The following PRKAG2 variants were observed in gnomAD, a reference collection of about 807,000 sequenced individuals.
PRKAG2 encodes 5'-AMP-activated protein kinase subunit gamma-2.
In PRKAG2, 26 loss-of-function variants were observed where a neutral mutation model predicts 69.6. That is an observed-to-expected ratio of 0.37 (90% CI 0.27 to 0.52). The LOEUF is 0.52. PRKAG2 is among the 20% of genes least tolerant of loss of function. The probability of loss-of-function intolerance (pLI) is 0.90; values close to 1 mark genes in which losing one functional copy is unlikely to be tolerated. For synonymous variants in PRKAG2, 293 were observed against 285.0 expected, an observed-to-expected ratio of 1.03 and a Z score of -0.28; for missense variants, 557 against 740.0, an observed-to-expected ratio of 0.75 and a Z score of 2.87.
chr7:151,783,588 T>C (rs28546351), intron 2 of PRKAG2, among the ~76,000 whole-genome samples: 3 of 151,952 alleles, frequency 2.0e-5, no homozygotes, highest in African/African-American at 7.3e-5. Context: ...CACCTAACTA[T>C]GGGAATCAGG....
intron 1 of PRKAG2, among the ~76,000 whole-genome samples, chr7:151,849,913 T>C (rs2079529801): frequency 6.6e-6 from 1 of 152,134 alleles, no homozygotes; most frequent in Non-Finnish European, 1.5e-5. Flanking sequence ...CTATATATTT[T>C]GGGGGACATA....
chr7:151,685,802 T>C (rs548929666), intron 3 of PRKAG2, among the ~76,000 whole-genome samples: 5 of 152,230 alleles, frequency 3.3e-5, no homozygotes, highest in Admixed American at 3.3e-4. Context: ...ATGGTGAATA[T>C]TGATTCATAT....
intron 3 of PRKAG2, among the ~76,000 whole-genome samples, chr7:151,705,441 C>T (rs569718714): frequency 6.6e-6 from 1 of 152,280 alleles, no homozygotes; most frequent in African/African-American, 2.4e-5. Flanking sequence ...CAGGATCACC[C>T]CGGTATGCCG....
At chr7:151,647,485 T>C (rs1163971180) in intron 4 of PRKAG2, among the ~76,000 whole-genome samples, 1 of 152,202 alleles carries the variant, frequency 6.6e-6, no homozygotes, top group Non-Finnish European at 1.5e-5. Flanking sequence ...TAAAAAGCTA[T>C]AGCGACTGCA....
intron 3 of PRKAG2, among the ~76,000 whole-genome samples, chr7:151,733,893 T>A (rs1436155550): frequency 6.6e-6 from 1 of 152,038 alleles, no homozygotes; most frequent in Admixed American, 6.6e-5. Flanking sequence ...AGGGGTCTCA[T>A]GATGTTGCCC....
intron 3 of PRKAG2, among the ~76,000 whole-genome samples, chr7:151,733,705 AT>A (rs11330944): frequency 0.12 from 16,757 of 142,596 alleles, 2,348 homozygotes; most frequent in African/African-American, 0.33. Flanking sequence ...CACAGTCACC[AT>A]TTTTTTTTTT....
chr7:151,779,331 C>G (rs540967596), intron 3 of PRKAG2, among the ~76,000 whole-genome samples: 37 of 152,322 alleles, frequency 2.4e-4, no homozygotes, highest in African/African-American at 8.7e-4. Flanking sequence ...TCTCCTGCAC[C>G]TCCTGGTGCC....
At chr7:151,852,014 C>T (rs1044051738) in intron 1 of PRKAG2, among the ~76,000 whole-genome samples, 3 of 152,136 alleles carry the variant, frequency 2.0e-5, no homozygotes, top group African/African-American at 7.2e-5. Flanking sequence ...TCGCCTGTCC[C>T]GTGCCTGCTC....
chr7:151,825,374 G>C (rs79539294), intron 1 of PRKAG2, among the ~76,000 whole-genome samples: 10,921 of 152,244 alleles, frequency 0.072, 671 homozygotes, highest in East Asian at 0.24. Context: ...CTCTGATTAT[G>C]AAGACTTTGA....
chr7:151,687,156 T>C (rs372879589), intron 3 of PRKAG2, among the ~76,000 whole-genome samples: 120 of 152,340 alleles, frequency 7.9e-4, no homozygotes, highest in African/African-American at 2.6e-3. Context: ...TAATTTTAAA[T>C]CTGTCCCAAC....
intron 1 of PRKAG2, among the ~76,000 whole-genome samples, chr7:151,870,113 A>ATAGATAGAT (rs1210006584): frequency 1.9e-5 from 2 of 107,190 alleles, no homozygotes; most frequent in African/African-American, 6.5e-5. Flanking sequence ...GGTGCAGATG[A>ATAGATAGAT]TAGATAGATA....
At chr7:151,654,245 T>C (rs1270627830) in intron 4 of PRKAG2, among the ~76,000 whole-genome samples, 1 of 152,180 alleles carries the variant, frequency 6.6e-6, no homozygotes, top group Non-Finnish European at 1.5e-5. Flanking sequence ...TGTCCCATGG[T>C]GAAGGATGAG....
intron 4 of PRKAG2, among the ~76,000 whole-genome samples, chr7:151,640,070 G>A (rs1826424537): frequency 6.6e-6 from 1 of 152,114 alleles, no homozygotes; most frequent in South Asian, 2.1e-4. Flanking sequence ...CAGCACTTTG[G>A]GAGGACGAGG....
At position 151,733,575 on chromosome 7, in the gene PRKAG2, TAA is replaced by T. The variant is rs1414260934; in HGVS notation, c.466+47575_466+47576del. Among the ~76,000 whole-genome samples, 3 of 152,220 alleles carry T rather than the reference TAA, an allele frequency of 2.0e-5. No individual in the cohort carries two copies. The East Asian group carries it at 5.8e-4, about 29-fold the overall frequency. ...GGTTCTGGTTTAATTCTACAGTAGATAAGTGTTTATTACTTTATTACTTAAAT... is the reference window on the plus strand; with the variant it reads ...GGTTCTGGTTTAATTCTACAGTAGATGTGTTTATTACTTTATTACTTAAAT... On this transcript the variant is annotated intron_variant, in intron 3 of 15. Coordinates refer to ENST00000287878, the MANE Select transcript of PRKAG2 (RefSeq NM_016203.4).
At chr7:151,817,413 C>T (rs2078671789) in intron 1 of PRKAG2, among the ~76,000 whole-genome samples, 1 of 152,192 alleles carries the variant, frequency 6.6e-6, no homozygotes, top group Non-Finnish European at 1.5e-5. Context: ...AAAACAGAAC[C>T]AGAAAACCTT....
At position 151,739,066 on chromosome 7, in the gene PRKAG2, C is replaced by A. The variant is rs140960197; in HGVS notation, c.466+42086G>T. Among the ~76,000 whole-genome samples, 411 of 152,362 alleles carry A rather than the reference C, an allele frequency of 2.7e-3. 1 individual carries two copies. Among genetic ancestry groups the A allele is most frequent in the African/African-American group, 9.3e-3 (388 of 41,588 alleles). On this transcript the variant is annotated intron_variant, in intron 3 of 15. Coordinates refer to ENST00000287878, the MANE Select transcript of PRKAG2 (RefSeq NM_016203.4). The stretch of plus-strand genomic sequence containing the variant: ...GCCAACCGGGTTCGGGTCTCCCCAG[C>A]TGAGCTGGTCTCGGTAGCCTCCATC...
chr7:151,650,877 A>C lies in PRKAG2; in HGVS notation c.685-18739T>G, dbSNP rs200641373. 1.1e-4 allele frequency among the ~76,000 whole-genome samples: 17 copies of C among 152,372 alleles called. 1 individual carries two copies. In the East Asian group the frequency reaches 3.3e-3, roughly 29 times the overall value. On this transcript the variant is annotated intron_variant, in intron 4 of 15. Coordinates refer to ENST00000287878, the MANE Select transcript of PRKAG2 (RefSeq NM_016203.4). The stretch of plus-strand genomic sequence containing the variant: ...CTGTGTGATGAAATGAGAGGTGCAC[A>C]TATAACTTTTCCGTTGCAAATTATG...
rs140474293 is a variant in PRKAG2 at position 151,579,235 on chromosome 7, T to A, written c.865-2783A>T. ...CAGGATCTTGCTATGTTGCCCAGAC[T>A]GGTCTCAAACTCCTGGGCTTAAGTG... On this transcript the variant is annotated intron_variant, in intron 6 of 15. Coordinates refer to ENST00000287878, the MANE Select transcript of PRKAG2 (RefSeq NM_016203.4). Among the ~76,000 whole-genome samples the A allele has an allele frequency of 5.2e-3, 790 of 152,314 alleles. 9 individuals are homozygous for A. Among genetic ancestry groups the A allele is most frequent in the African/African-American group, 0.018 (730 of 41,556 alleles).
At chr7:151,786,677 G>A (rs533438558) in intron 1 of PRKAG2, 136 bp from the exon 2 acceptor site, 36 of 748,160 alleles carry the variant, frequency 4.8e-5, no homozygotes, top group Middle Eastern at 3.6e-4. Context: ...GGATGTGGAC[G>A]TGTTTGCTAC....
Sources: gnomAD v4.1 joint callset for allele counts (sites outside exome capture counted in the v4.1 genomes callset) on GRCh38, gnomAD v4.1.1 for gene constraint, MANE v1.5 for transcripts, NCBI Gene and HGNC (gene_info 2026-07-23, HGNC 2026-07-21) for gene names.